The following NREP variants were observed in gnomAD, a reference collection of about 807,000 sequenced individuals.
NREP encodes neuronal regeneration-related protein.
A neutral mutation model predicts 8.6 loss-of-function variants in NREP; 5 were observed. That is an observed-to-expected ratio of 0.58 (90% confidence interval 0.30 to 1.22). NREP has a LOEUF of 1.22. Among genes scored for constraint, NREP ranks in the 50% most tolerant of loss-of-function variants. The pLI, the probability that NREP is intolerant of heterozygous loss-of-function variation, is 0.07. For synonymous variants in NREP, 27 were observed against 28.0 expected, an observed-to-expected ratio of 0.96 and a Z score of 0.11; for missense variants, 86 against 82.5, an observed-to-expected ratio of 1.04 and a Z score of -0.17.
At chr5:111,916,339 C>A (rs1317861549) in intron 2 of NREP, among the ~76,000 whole-genome samples, 1 of 151,848 alleles carries the variant, frequency 6.6e-6, no homozygotes, top group African/African-American at 2.4e-5. Context: ...CTCTGCTGAG[C>A]CCTCCAAGCT....
chr5:111,830,486 G>C (rs1752741041), intron 2 of NREP, among the ~76,000 whole-genome samples: 1 of 152,218 alleles, frequency 6.6e-6, no homozygotes, highest in Non-Finnish European at 1.5e-5. Context: ...AATGGGTGTT[G>C]TCAGCCATGA....
chr5:111,731,114 AC>A (rs1305509282), intron 3 of NREP, 68 bp from the exon 4 acceptor site: 67 of 1,572,094 alleles, frequency 4.3e-5, no homozygotes, highest in Non-Finnish European at 5.4e-5. Flanking sequence ...TGCTTCTGAA[AC>A]CATTTTTTAA....
upstream of NREP, among the ~76,000 whole-genome samples, chr5:111,760,255 C>T (rs527702333): frequency 6.6e-6 from 1 of 152,284 alleles, no homozygotes; most frequent in Admixed American, 6.5e-5. Flanking sequence ...TGTATCCAGA[C>T]ACTACCAAAT....
chr5:111,950,008 T>C (rs1053208767), intron 2 of NREP, among the ~76,000 whole-genome samples: 7 of 152,110 alleles, frequency 4.6e-5, no homozygotes, highest in Admixed American at 2.6e-4. Flanking sequence ...ATTGCCATAC[T>C]GTCTTCCACA....
At chr5:111,900,048 CA>C (rs1283293527) in intron 2 of NREP, among the ~76,000 whole-genome samples, 1 of 152,012 alleles carries the variant, frequency 6.6e-6, no homozygotes, top group Non-Finnish European at 1.5e-5. Flanking sequence ...TATTAGGACA[CA>C]AAACAGGTCT....
At chr5:111,788,605 T>C (rs1313355346) in intron 2 of NREP, among the ~76,000 whole-genome samples, 5 of 152,194 alleles carry the variant, frequency 3.3e-5, no homozygotes, top group Admixed American at 3.3e-4. Context: ...AGGCGTTCAC[T>C]TCACATGGAA....
intron 2 of NREP, among the ~76,000 whole-genome samples, chr5:111,784,898 G>A (rs1751573243): frequency 6.6e-6 from 1 of 152,186 alleles, no homozygotes; most frequent in African/African-American, 2.4e-5. Context: ...ATCTGGGAAA[G>A]AAATTACTTT....
At chr5:111,764,449 C>T (rs937152675) in intron 2 of NREP, among the ~76,000 whole-genome samples, 4 of 152,202 alleles carry the variant, frequency 2.6e-5, no homozygotes, top group African/African-American at 7.2e-5. Context: ...GAGCAAGTCA[C>T]ATCTTACGTG....
chr5:111,829,605 CA>C, intron 2 of NREP, among the ~76,000 whole-genome samples: 1 of 152,286 alleles, frequency 6.6e-6, no homozygotes, highest in Non-Finnish European at 1.5e-5. Flanking sequence ...ATTCCTCCAT[CA>C]AATTTCTTTC....
intron 3 of NREP, chr5:111,732,290 G>C (rs1004399119): frequency 1.3e-5 from 2 of 150,822 alleles, no homozygotes; most frequent in Non-Finnish European, 2.9e-5. Flanking sequence ...GCAACCCAGG[G>C]GTGAACTAAA....
chr5:111,784,481 G>A (rs1435947354), intron 2 of NREP, among the ~76,000 whole-genome samples: 3 of 152,176 alleles, frequency 2.0e-5, no homozygotes, highest in Non-Finnish European at 4.4e-5. Context: ...TGGGCTACAT[G>A]TATGCTACAC....
chr5:111,928,039 TGAA>T (rs1039239906), intron 2 of NREP, among the ~76,000 whole-genome samples: 1 of 151,874 alleles, frequency 6.6e-6, no homozygotes, highest in African/African-American at 2.4e-5. Flanking sequence ...CAAGGCAGAG[TGAA>T]GAGAAGGGAG....
chr5:111,874,802 C>A (rs908950219), intron 2 of NREP, among the ~76,000 whole-genome samples: 3 of 152,108 alleles, frequency 2.0e-5, no homozygotes, highest in African/African-American at 4.8e-5. Context: ...TCAAAGACTG[C>A]TCTCTTCTAT....
chr5:111,874,162 A>C (rs1258926659), intron 2 of NREP, among the ~76,000 whole-genome samples: 1 of 151,940 alleles, frequency 6.6e-6, no homozygotes, highest in Non-Finnish European at 1.5e-5. Context: ...CCAAGATAGG[A>C]CATGTTCATT....
intron 2 of NREP, among the ~76,000 whole-genome samples, chr5:111,847,245 G>T (rs972491904): frequency 3.9e-5 from 6 of 152,084 alleles, no homozygotes; most frequent in Non-Finnish European, 8.8e-5. Flanking sequence ...CTGCCGAACG[G>T]TTGGGTTCTA....
chr5:111,746,870 T>G (rs1273840109), intron 2 of NREP, among the ~76,000 whole-genome samples: 1 of 152,188 alleles, frequency 6.6e-6, no homozygotes, highest in Non-Finnish European at 1.5e-5. Flanking sequence ...TTGCATGCTT[T>G]TAAACGGTGG....
chr5:111,967,197 G>C (rs910245817), intron 2 of NREP, among the ~76,000 whole-genome samples: 2 of 152,108 alleles, frequency 1.3e-5, no homozygotes, highest in Non-Finnish European at 2.9e-5. Flanking sequence ...TGACCTAGTG[G>C]ATAGAGCTCA....
intron 2 of NREP, among the ~76,000 whole-genome samples, chr5:111,967,005 G>T (rs1042645521): frequency 3.3e-5 from 5 of 152,196 alleles, no homozygotes; most frequent in African/African-American, 1.2e-4. Flanking sequence ...GAGACATCTG[G>T]CCATGTCTAA....
chr5:111,839,256 T>C (rs1039342755), intron 2 of NREP, among the ~76,000 whole-genome samples: 1 of 152,120 alleles, frequency 6.6e-6, no homozygotes, highest in African/African-American at 2.4e-5. Context: ...CCTAAGGCTA[T>C]GATGTGGTTG....
Sources: allele counts gnomAD v4.1 joint callset (sites outside exome capture counted in the v4.1 genomes callset), GRCh38; gene constraint gnomAD v4.1.1; transcripts MANE v1.5; gene names NCBI Gene and HGNC (gene_info 2026-07-23, HGNC 2026-07-21).